NPC1: variants seen among roughly 807,000 people sequenced by gnomAD.
The protein encoded by NPC1 is Niemann-Pick C1 protein.
NPC1 carries 85 observed loss-of-function variants against 140.4 expected under a neutral mutation model. The observed-to-expected ratio is 0.61, with a 90% CI of 0.51 to 0.72. NPC1 has a LOEUF of 0.72. NPC1 is among the 30% of genes least tolerant of loss of function. The probability of loss-of-function intolerance (pLI) is 0.00; values close to 1 mark genes in which losing one functional copy is unlikely to be tolerated. For synonymous variants in NPC1, 656 were observed against 624.8 expected (o/e 1.05, Z -0.74); for missense variants, 1,504 against 1,623.8 (o/e 0.93, Z 1.27).
chr18:23,568,090 TTAGA>T (rs1456397451), intron 4 of NPC1, among the ~76,000 whole-genome samples: 2 of 152,222 alleles, frequency 1.3e-5, no homozygotes, highest in Admixed American at 6.5e-5. Context: ...AAAATTAAAA[TTAGA>T]TAAATATAAT....
chr18:23,527,974 T>C (rs947677216), downstream of NPC1: 4 of 1,247,094 alleles, frequency 3.2e-6, no homozygotes, highest in Admixed American at 2.5e-5. Flanking sequence ...GTAATTATGA[T>C]GCAAAATTGT....
At chr18:23,543,280 G>T (rs895170436) in intron 14 of NPC1, among the ~76,000 whole-genome samples, 175 bp downstream of exon 14, 3 of 139,862 alleles carry the variant, frequency 2.1e-5, no homozygotes, top group African/African-American at 8.0e-5. Context: ...AGTGAGCCGA[G>T]ATTGCACCAC....
chr18:23,555,250 A>T (rs1360447297), intron 8 of NPC1, among the ~76,000 whole-genome samples: 2 of 152,244 alleles, frequency 1.3e-5, no homozygotes, highest in East Asian at 3.8e-4. Flanking sequence ...TCAACATAGG[A>T]CACACAACCA....
At chr18:23,530,364 G>A (rs1275150090), downstream of NPC1, 4 of 1,613,948 alleles carry the variant, frequency 2.5e-6, no homozygotes, top group South Asian at 4.4e-5. Flanking sequence ...GCACTGACCT[G>A]GACTTCTCTC....
rs935537159 is a variant in NPC1, at chr18:23,560,216, A to G, written c.881+15T>C. On this transcript the variant is annotated intron_variant, in intron 6 of 24. Transcript: ENST00000269228. ...TTTGCTCTTTTTGCCCTGGATGACA[A>G]ACAAAACTGCTTACCTGTAGCACCA... 4.3e-6 allele frequency: 7 copies of G among 1,613,892 alleles called. No individual in the cohort carries two copies. The highest frequency in any genetic ancestry group is 3.3e-5 in the Admixed American group (2 of 59,990).
At chr18:23,523,031 A>G (rs1057510686) in intron 1 of NPC1, 1 of 152,270 alleles carries the variant, frequency 6.6e-6, no homozygotes, top group African/African-American at 2.4e-5. Flanking sequence ...GGGGGCCTTA[A>G]AAATGAAAGC....
rs1390796169 is a variant in NPC1, at chr18:23,556,251, G to A, written c.1318C>T (p.Leu440=). 8 of 1,614,018 alleles carry A rather than the reference G, an allele frequency of 5.0e-6. No homozygotes were observed. The highest frequency in any genetic ancestry group is 5.9e-6 in the Non-Finnish European group (7 of 1,179,922). Residue 440 remains leucine, a synonymous_variant, in exon 8 of 25, where the codon CTG becomes TTG. Coordinates refer to ENST00000269228, the MANE Select transcript of NPC1 (RefSeq NM_000271.5). ...TTCAAACAGCAGGTTACCTGGTGCA[G>A]TATCTGTATGTCAAGCGGAGGTCCA... The part of the protein sequence containing the change: ...PFGPPLDIQI[L]HQVLDLQIAI...
intron 4 of NPC1, among the ~76,000 whole-genome samples, chr18:23,563,190 G>A (rs1484879197): frequency 6.6e-6 from 1 of 152,118 alleles, no homozygotes; most frequent in East Asian, 1.9e-4. Flanking sequence ...TGCATATTGT[G>A]GCATGTATCA....
chr18:23,529,060 AGT>A, downstream of NPC1: 1 of 1,465,186 alleles, frequency 6.8e-7, no homozygotes, highest in Non-Finnish European at 9.1e-7. Context: ...AAGTAGAGAA[AGT>A]GTTTTCCGCT....
chr18:23,507,952 A>G, intron 3 of NPC1: 3 of 1,603,182 alleles, frequency 1.9e-6, no homozygotes, highest in Non-Finnish European at 2.6e-6. Flanking sequence ...GCCTAATCCA[A>G]ATTTGTGTGT....
intron 6 of NPC1, among the ~76,000 whole-genome samples, chr18:23,559,813 G>A (rs1321784001): frequency 6.6e-6 from 1 of 152,102 alleles, no homozygotes; most frequent in Admixed American, 6.5e-5. Context: ...AGTCAGGCAT[G>A]CAGGCATGGT....
chr18:23,509,334 C>A, intron 3 of NPC1: 2 of 823,844 alleles, frequency 2.4e-6, no homozygotes, highest in South Asian at 3.0e-5. Context: ...AGCATTCTGG[C>A]AGCCTTTTGA....
intron 24 of NPC1, among the ~76,000 whole-genome samples, chr18:23,532,540 G>C (rs2058546591): frequency 6.6e-6 from 1 of 152,122 alleles, no homozygotes; most frequent in Non-Finnish European, 1.5e-5. Context: ...CTGGGCTCAA[G>C]CAAGCTTCCT....
In NPC1 at chr18:23,557,194, A is replaced by G; in HGVS notation, c.882-4T>C. 5.0e-6 allele frequency: 8 copies of G among 1,610,946 alleles called. No individual in the cohort carries two copies. Among genetic ancestry groups the G allele is most frequent in the Non-Finnish European group, 6.8e-6 (8 of 1,178,112 alleles). On this transcript the variant is annotated splice_region_variant and splice_polypyrimidine_tract_variant and intron_variant, in intron 6 of 24. Coordinates refer to ENST00000269228, the MANE Select transcript of NPC1 (RefSeq NM_000271.5). ...CTCGGAGACAAAATACCGTTTTCTGAAAAACAGAAGTGAAGAAATAGCATT... is the reference window on the plus strand; with the variant it reads ...CTCGGAGACAAAATACCGTTTTCTGGAAAACAGAAGTGAAGAAATAGCATT...
intron 3 of NPC1, among the ~76,000 whole-genome samples, chr18:23,570,733 T>C (rs891280997): frequency 3.3e-5 from 5 of 152,232 alleles, no homozygotes; most frequent in Admixed American, 3.3e-4. Context: ...TTTTGCATAT[T>C]TGAGAATTGC....
At chr18:23,521,005 A>G (rs948791891), downstream of NPC1, among the ~76,000 whole-genome samples, 3 of 152,188 alleles carry the variant, frequency 2.0e-5, no homozygotes, top group East Asian at 5.8e-4. Context: ...GGCATGAGCC[A>G]CCACGCCTGG....
chr18:23,575,260 C>CA (rs2059258202), intron 1 of NPC1, among the ~76,000 whole-genome samples: 1 of 152,194 alleles, frequency 6.6e-6, no homozygotes, highest in Non-Finnish European at 1.5e-5. Flanking sequence ...AAAGATGGCC[C>CA]ACTGCTGTTT....
intron 10 of NPC1, among the ~76,000 whole-genome samples, chr18:23,548,365 C>A: frequency 7.0e-6 from 1 of 142,562 alleles, no homozygotes. Flanking sequence ...TTAAAGGATA[C>A]AGTACATGCA....
intron 3 of NPC1, chr18:23,516,142 G>C: frequency 7.4e-7 from 1 of 1,357,864 alleles, no homozygotes; most frequent in Non-Finnish European, 1.0e-6. Flanking sequence ...CTGTATACCC[G>C]TCAGCTCCTG....
Sources: gnomAD v4.1 joint callset for allele counts (sites outside exome capture counted in the v4.1 genomes callset) on GRCh38, gnomAD v4.1.1 for gene constraint, MANE v1.5 for transcripts, NCBI Gene and HGNC (gene_info 2026-07-23, HGNC 2026-07-21) for gene names.